HSF5: variants seen among roughly 807,000 people sequenced by gnomAD.
HSF5 encodes the protein heat shock transcription factor 5.
HSF5 carries 5 observed loss-of-function variants against 50.8 expected under a neutral mutation model. The observed-to-expected ratio is 0.10, with a 90% CI of 0.05 to 0.21. The LOEUF is 0.21. Ranked by LOEUF, HSF5 falls within the 10% of genes least tolerant of loss-of-function variation. The pLI is 1.00. For synonymous variants in HSF5, 307 were observed against 307.4 expected (o/e 1.00, Z 0.02); for missense variants, 564 against 762.6 (o/e 0.74, Z 3.07).
chr17:58,466,820 A>G (rs1974873565), intron 3 of HSF5, 65 bp downstream of exon 3: 1 of 946,566 alleles, frequency 1.1e-6, no homozygotes. Context: ...ACACTTTGAA[A>G]TTTTGCAATA....
chr17:58,465,226 T>C (rs1310524185), intron 3 of HSF5, among the ~76,000 whole-genome samples: 6 of 148,992 alleles, frequency 4.0e-5, no homozygotes, highest in African/African-American at 1.5e-4. Context: ...CTCACTATGT[T>C]ACCCAGGCTC....
chr17:58,465,330 G>A (rs1974850073), intron 3 of HSF5, among the ~76,000 whole-genome samples: 1 of 151,528 alleles, frequency 6.6e-6, no homozygotes, highest in Admixed American at 6.6e-5. Context: ...GCCATATATT[G>A]TCTCTATAAC....
At chr17:58,467,908 C>T (rs114384283) in intron 2 of HSF5, among the ~76,000 whole-genome samples, 2,346 of 152,254 alleles carry the variant, frequency 0.015, 79 homozygotes, top group African/African-American at 0.054. Flanking sequence ...TTATTAATAT[C>T]ACAACTGTGG....
Position 58,420,549 on chromosome 17 carries a change from A to G in HSF5, c.*1811T>C, listed in dbSNP as rs191192929. 6.6e-6 allele frequency: 1 copy of G among 151,350 alleles called. No homozygotes were observed. Among genetic ancestry groups the G allele is most frequent in the Admixed American group, 6.6e-5 (1 of 15,226 alleles). 9.4% of individuals were successfully genotyped at this position (151,350 alleles called of 1,614,324 possible). On this transcript the variant is annotated 3_prime_UTR_variant, in exon 6 of 6. Transcript: ENST00000323777. ...ATATTATCTCAACATCTATAAAGCT[A>G]AGAAAGCCATATTTAGGGGAAAATC...
At chr17:58,481,567 CTTA>C (rs1975098848) in intron 1 of HSF5, among the ~76,000 whole-genome samples, 1 of 152,198 alleles carries the variant, frequency 6.6e-6, no homozygotes, top group Non-Finnish European at 1.5e-5. Context: ...GGAGGGAAAA[CTTA>C]TTATGTGCTA....
At chr17:58,453,154 A>G (rs1974663356) in intron 5 of HSF5, among the ~76,000 whole-genome samples, 1 of 152,200 alleles carries the variant, frequency 6.6e-6, no homozygotes, top group Non-Finnish European at 1.5e-5. Context: ...ATTCCAAAAA[A>G]TTGGAGAGGA....
At chr17:58,468,094 G>T (rs141706740) in intron 2 of HSF5, among the ~76,000 whole-genome samples, 2 of 152,216 alleles carry the variant, frequency 1.3e-5, no homozygotes, top group East Asian at 1.9e-4. Flanking sequence ...CAAAGCACAC[G>T]CTCTTTAATA....
chr17:58,459,313 C>T (rs1974758661), intron 4 of HSF5, among the ~76,000 whole-genome samples: 1 of 151,976 alleles, frequency 6.6e-6, no homozygotes, highest in Non-Finnish European at 1.5e-5. Flanking sequence ...AAGTGATCCT[C>T]CTGAGCAGCT....
At chr17:58,443,095 G>T (rs1974519018) in intron 5 of HSF5, among the ~76,000 whole-genome samples, 2 of 152,132 alleles carry the variant, frequency 1.3e-5, no homozygotes, top group African/African-American at 2.4e-5. Context: ...TTTTAGTAGA[G>T]ACGGGGTTTC....
chr17:58,430,586 C>T (rs1974350332), intron 5 of HSF5, among the ~76,000 whole-genome samples: 1 of 152,192 alleles, frequency 6.6e-6, no homozygotes, highest in South Asian at 2.1e-4. Flanking sequence ...AAACTCTAGA[C>T]TCCCCAGCCT....
In HSF5 at chr17:58,421,629, A is replaced by T. The variant is rs1232526472; in HGVS notation, c.*731T>A. 1.3e-5 allele frequency: 2 copies of T among 152,358 alleles called. No individual in the cohort carries two copies. Among genetic ancestry groups the T allele is most frequent in the East Asian group, 3.8e-4 (2 of 5,206 alleles). 9.4% of individuals were successfully genotyped at this position (152,358 alleles called of 1,614,324 possible). ...TTCTTTAAAGACATTTAAATAAGTG[A>T]TATATTAATAAAATCTTTTTACCAT... On this transcript the variant is annotated 3_prime_UTR_variant, in exon 6 of 6. Transcript: ENST00000323777.
intron 2 of HSF5, among the ~76,000 whole-genome samples, chr17:58,473,645 A>G (rs1598199788): frequency 1.3e-5 from 2 of 152,276 alleles, no homozygotes; most frequent in African/African-American, 4.8e-5. Flanking sequence ...CTGACACTTC[A>G]AGGGAAAAAC....
At chr17:58,473,731 GAGTT>G (rs1233100952) in intron 2 of HSF5, among the ~76,000 whole-genome samples, 18 of 152,166 alleles carry the variant, frequency 1.2e-4, no homozygotes, top group African/African-American at 4.3e-4. Flanking sequence ...GTCATTTTAT[GAGTT>G]AGTCTGATGG....
chr17:58,476,177 T>C lies in HSF5; in HGVS notation c.925+3716A>G, dbSNP rs552301526. The stretch of plus-strand genomic sequence containing the variant: ...CTCTCCTTCCTCCCCTTCATCATCA[T>C]CTTCATCTTCTTCATCTTCCTCATT... On this transcript the variant is annotated intron_variant, in intron 2 of 5. Transcript: ENST00000323777. The C allele has an allele frequency of 1.4e-5, 13 of 938,926 alleles. No homozygotes were observed. In the South Asian group the frequency reaches 1.9e-4, roughly 14 times the overall value. 58.2% of individuals were successfully genotyped at this position (938,926 alleles called of 1,614,324 possible).
intron 5 of HSF5, among the ~76,000 whole-genome samples, chr17:58,436,926 C>T (rs547635078): frequency 1.4e-5 from 2 of 139,490 alleles, no homozygotes; most frequent in South Asian, 2.5e-4. Context: ...ACCATATTGA[C>T]TAGTGACAAG....
chr17:58,473,721 G>C, intron 2 of HSF5, among the ~76,000 whole-genome samples: 1 of 152,128 alleles, frequency 6.6e-6, no homozygotes. Context: ...ATTCCAATGA[G>C]TCATTTTATG....
Position 58,487,831 on chromosome 17 carries a change from C to A in HSF5, c.444G>T (p.Pro148=), listed in dbSNP as rs764567200. 1.3e-6 allele frequency: 2 copies of A among 1,580,024 alleles called. No individual in the cohort carries two copies. Among genetic ancestry groups the A allele is most frequent in the Admixed American group, 3.5e-5 (2 of 56,830 alleles). Residue 148 remains proline, a synonymous_variant, in exon 1 of 6, where the codon CCG becomes CCT. Transcript: ENST00000323777. ...TGAGCAGCCGCTGGAAGCGGTTGGGCGGGCGGCAGGGCACCTCCAGGCCGG... is the reference window on the plus strand; with the variant it reads ...TGAGCAGCCGCTGGAAGCGGTTGGGAGGGCGGCAGGGCACCTCCAGGCCGG... ...LAAGLEVPCR[P]PNRFQRLLIT...
Position 58,463,130 on chromosome 17 carries a change from A to T in HSF5, c.1194T>A (p.Asn398Lys). ...LEMVKVEPVE[N>K]QCPTSPSYRG... ...TGTAAGACGGAGATGTTGGGCACTG[A>T]TTCTCAACAGGCTCCACCTTTACCA... The change falls in exon 4 of 6, where the codon AAT becomes AAA. Residue 398 changes from asparagine to lysine, a missense_variant. Transcript: ENST00000323777. The T allele has an allele frequency of 6.2e-7, 1 of 1,614,182 alleles. No homozygotes were observed. Among genetic ancestry groups the T allele is most frequent in the Non-Finnish European group, 8.5e-7 (1 of 1,180,000 alleles).
chr17:58,428,636 G>A (rs964732919), intron 5 of HSF5, among the ~76,000 whole-genome samples: 1 of 152,132 alleles, frequency 6.6e-6, no homozygotes, highest in Non-Finnish European at 1.5e-5. Context: ...TCCAGCCTGG[G>A]CGACAGAGTG....
Sources: allele counts gnomAD v4.1 joint callset (sites outside exome capture counted in the v4.1 genomes callset), GRCh38; gene constraint gnomAD v4.1.1; transcripts MANE v1.5; gene names NCBI Gene and HGNC (gene_info 2026-07-23, HGNC 2026-07-21).